AP4E1: variants seen among roughly 807,000 people sequenced by gnomAD.
AP4E1 encodes adaptor related protein complex 4 subunit epsilon 1, also known as AP-4 complex subunit epsilon-1.
Under a neutral mutation model 128.2 loss-of-function variants are expected in AP4E1, and 56 were observed. The ratio of observed to expected loss-of-function variants is 0.44; its 90% CI spans 0.35 to 0.55. AP4E1 has a LOEUF of 0.55. Among genes scored for constraint, AP4E1 ranks in the 20% least tolerant of loss-of-function variants. AP4E1 has a pLI of 0.00. For synonymous variants in AP4E1, 484 were observed against 473.1 expected (o/e 1.02, Z -0.30); for missense variants, 1,324 against 1,307.7 (o/e 1.01, Z -0.19).
intron 13 of AP4E1, among the ~76,000 whole-genome samples, 190 bp from the exon 14 acceptor site, chr15:50,958,301 AG>A (rs1016411847): frequency 1.3e-5 from 2 of 152,234 alleles, no homozygotes; most frequent in Non-Finnish European, 2.9e-5. Flanking sequence ...TGATGGGGAA[AG>A]CCATTTTGAA....
rs2063530478 is a variant in AP4E1, at chr15:50,908,897, T to G, written c.119T>G (p.Val40Gly). Residue 40 changes from valine to glycine, a missense_variant, in exon 1 of 21, where the codon GTC (valine) becomes GGC (glycine). Coordinates refer to ENST00000261842, the MANE Select transcript of AP4E1 (RefSeq NM_007347.5). ...TTCTCCTCGAGGCTGGGCAGCCTTG[T>G]CCGCGGCATCACAGCCCTCACCTCC... is the stretch of plus-strand genomic sequence containing the variant. ...ASFSSRLGSL[V>G]RGITALTSKH... The G allele has an allele frequency of 6.2e-7, 1 of 1,610,598 alleles. No individual in the cohort carries two copies. The highest frequency in any genetic ancestry group is 8.5e-7 in the Non-Finnish European group (1 of 1,179,380).
At chr15:50,933,481 G>A (rs1365220333) in intron 7 of AP4E1, among the ~76,000 whole-genome samples, 2 of 152,096 alleles carry the variant, frequency 1.3e-5, no homozygotes, top group Non-Finnish European at 1.5e-5. Flanking sequence ...GTTCACAAAT[G>A]TTTCTTCATT....
intron 1 of AP4E1, among the ~76,000 whole-genome samples, chr15:50,909,607 G>C (rs1326609535): frequency 1.3e-5 from 2 of 152,252 alleles, no homozygotes; most frequent in African/African-American, 2.4e-5. Context: ...TATTGACGGA[G>C]TCTCTCTCTG....
At chr15:50,993,729 A>G (rs768387829) in intron 17 of AP4E1, 104 bp downstream of exon 17, 6 of 1,413,248 alleles carry the variant, frequency 4.2e-6, no homozygotes, top group Non-Finnish European at 5.9e-6. Context: ...TATAGTGAAA[A>G]GTGGCTTCCC....
chr15:50,929,082 A>G lies in AP4E1; in HGVS notation c.616A>G (p.Ile206Val), dbSNP rs774828130. ...HLIAPNQVQH[I>V]HIKFRKALCD... Reference sequence around the variant, plus strand: ...CATTGCTCCTAATCAAGTACAACATATTCATATTAAGTTTCGGAAAGCACT... The same window carrying G: ...CATTGCTCCTAATCAAGTACAACATGTTCATATTAAGTTTCGGAAAGCACT... Residue 206 changes from isoleucine to valine, a missense_variant, in exon 6 of 21, where the codon ATT becomes GTT. Transcript: ENST00000261842. 1.2e-6 allele frequency: 2 copies of G among 1,613,868 alleles called. No homozygotes were observed. Among genetic ancestry groups the G allele is most frequent in the East Asian group, 2.2e-5 (1 of 44,794 alleles).
At chr15:50,971,790 G>C (rs1424313342) in intron 15 of AP4E1, among the ~76,000 whole-genome samples, 3 of 151,808 alleles carry the variant, frequency 2.0e-5, no homozygotes, top group Non-Finnish European at 4.4e-5. Context: ...TAGGATTTCT[G>C]TTTGGTTCTT....
Position 51,005,714 on chromosome 15 carries a change from G to A in AP4E1, c.*3052G>A, listed in dbSNP as rs1490436940. ...TAAATGTAGTATTTGCCTCATGATT[G>A]TGAGCCACTGAGAGTGCACTGAACC... is the stretch of plus-strand genomic sequence containing the variant. On this transcript the variant is annotated 3_prime_UTR_variant, in exon 21 of 21. Coordinates refer to ENST00000261842, the MANE Select transcript of AP4E1 (RefSeq NM_007347.5). 6.6e-6 allele frequency: 1 copy of A among 152,352 alleles called. No individual in the cohort carries two copies. Among genetic ancestry groups the A allele is most frequent in the Non-Finnish European group, 1.5e-5 (1 of 67,980 alleles). 9.4% of individuals were successfully genotyped at this position (152,352 alleles called of 1,614,324 possible). A position where few individuals can be genotyped will look rare whatever the true frequency, so the allele number is the denominator to read the frequency against.
rs561579425 is a variant in AP4E1, at chr15:50,925,485, G to A, written c.542+266G>A. 1.6e-4 allele frequency among the ~76,000 whole-genome samples: 24 copies of A among 152,308 alleles called. No homozygotes were observed. In the South Asian group the frequency reaches 4.4e-3, roughly 28 times the overall value. On this transcript the variant is annotated intron_variant, in intron 5 of 20. Coordinates refer to ENST00000261842, the MANE Select transcript of AP4E1 (RefSeq NM_007347.5). Reference sequence around the variant, plus strand: ...CTCCCATTTCTACCACTAATGAGCAGTGGTCTTGTTTTTCCTTGGCTATAT... The same window carrying A: ...CTCCCATTTCTACCACTAATGAGCAATGGTCTTGTTTTTCCTTGGCTATAT...
intron 16 of AP4E1, among the ~76,000 whole-genome samples, chr15:50,989,182 T>C (rs948932957): frequency 5.3e-5 from 8 of 152,210 alleles, no homozygotes; most frequent in Admixed American, 4.6e-4. Flanking sequence ...AGTAAGGAAA[T>C]GGCTTTCTTG....
At chr15:50,971,821 T>C (rs1052686014) in intron 15 of AP4E1, among the ~76,000 whole-genome samples, 3 of 152,160 alleles carry the variant, frequency 2.0e-5, no homozygotes, top group Admixed American at 2.0e-4. Context: ...TCTGTTTCTT[T>C]GTTGAATTTC....
At chr15:50,968,794 A>C (rs2064432510) in intron 15 of AP4E1, among the ~76,000 whole-genome samples, 1 of 151,802 alleles carries the variant, frequency 6.6e-6, no homozygotes, top group Non-Finnish European at 1.5e-5. Flanking sequence ...CACCCAGCTA[A>C]ATTTTGTATT....
chr15:50,947,204 C>T (rs907224744), intron 10 of AP4E1, among the ~76,000 whole-genome samples: 2 of 151,612 alleles, frequency 1.3e-5, no homozygotes, highest in African/African-American at 2.4e-5. Flanking sequence ...TCACTTGAGC[C>T]CAGGAGTTCA....
chr15:50,924,118 G>T, intron 4 of AP4E1, 114 bp downstream of exon 4: 1 of 810,560 alleles, frequency 1.2e-6, no homozygotes, highest in East Asian at 2.6e-5. Context: ...TGCAGAATGG[G>T]CTTAGAAGAA....
intron 8 of AP4E1, among the ~76,000 whole-genome samples, chr15:50,936,330 A>G (rs985992558): frequency 1.3e-5 from 2 of 151,708 alleles, no homozygotes; most frequent in African/African-American, 4.8e-5. Context: ...CTTTCGGGAA[A>G]TTCTGCTTAA....
intron 17 of AP4E1, among the ~76,000 whole-genome samples, chr15:50,996,667 A>C (rs1475943026): frequency 6.6e-6 from 1 of 152,190 alleles, no homozygotes; most frequent in African/African-American, 2.4e-5. Flanking sequence ...AGGCAAGGGA[A>C]CACTTGAACC....
intron 13 of AP4E1, among the ~76,000 whole-genome samples, chr15:50,955,535 A>G (rs1205391772): frequency 6.6e-6 from 1 of 152,076 alleles, no homozygotes; most frequent in Non-Finnish European, 1.5e-5. Flanking sequence ...GTCTAGTCCT[A>G]TTAATTGTTG....
intron 15 of AP4E1, among the ~76,000 whole-genome samples, chr15:50,974,214 T>C (rs2064520792): frequency 6.6e-6 from 1 of 151,858 alleles, no homozygotes; most frequent in African/African-American, 2.4e-5. Flanking sequence ...GATCCACCTG[T>C]CTTGGCTTCC....
intron 17 of AP4E1, among the ~76,000 whole-genome samples, chr15:50,995,395 C>G (rs2064854404): frequency 6.8e-6 from 1 of 146,526 alleles, no homozygotes; most frequent in Non-Finnish European, 1.5e-5. Context: ...GCTTATTTCA[C>G]CTTCTTTTTT....
At chr15:50,912,821 C>G (rs2063581385) in intron 2 of AP4E1, among the ~76,000 whole-genome samples, 1 of 152,126 alleles carries the variant, frequency 6.6e-6, no homozygotes. Flanking sequence ...CGCCACCATG[C>G]CTGGCTAATT....
Sources: allele counts gnomAD v4.1 joint callset (sites outside exome capture counted in the v4.1 genomes callset), GRCh38; gene constraint gnomAD v4.1.1; transcripts MANE v1.5; gene names NCBI Gene and HGNC (gene_info 2026-07-23, HGNC 2026-07-21).